DST: variants seen among roughly 807,000 people sequenced by gnomAD.
DST encodes the protein bullous pemphigoid antigen.
Under a neutral mutation model 875.2 loss-of-function variants are expected in DST, and 253 were observed. That is an observed-to-expected ratio of 0.29 (90% CI 0.26 to 0.32). DST has a LOEUF of 0.32. Ranked by LOEUF, DST falls within the 10% of genes least tolerant of loss-of-function variation. The pLI is 1.00. For missense variants in DST, 8,287 were observed against 9,111.6 expected (o/e 0.91, Z 3.68); for synonymous variants, 3,124 against 3,197.1 (o/e 0.98, Z 0.77).
intron 3 of DST, among the ~76,000 whole-genome samples, chr6:56,867,123 G>C (rs1774536752): frequency 6.6e-6 from 1 of 152,280 alleles, no homozygotes; most frequent in East Asian, 1.9e-4. Context: ...AGAGAACCGA[G>C]GCTAGACCTG....
rs370405540 is a variant in DST, at chr6:56,603,824, T to C, written c.10791+13A>G. On this transcript the variant is annotated intron_variant, in intron 40 of 103. Coordinates refer to ENST00000680361, the MANE Select transcript of DST (RefSeq NM_001374736.1). ...TGCAGCTTTTTCTGTATAAAATGTATAGGTCAACTTACTTGTTCGGTTGAG... is the reference window on the plus strand; with the variant it reads ...TGCAGCTTTTTCTGTATAAAATGTACAGGTCAACTTACTTGTTCGGTTGAG... 10 of 1,602,448 alleles carry C rather than the reference T, an allele frequency of 6.2e-6. No homozygotes were observed. Among genetic ancestry groups the C allele is most frequent in the South Asian group, 2.2e-5 (2 of 89,606 alleles).
At chr6:56,633,189 T>C in intron 27 of DST, 152 bp from the exon 28 acceptor site, 2 of 698,280 alleles carry the variant, frequency 2.9e-6, no homozygotes, top group South Asian at 1.7e-5. Flanking sequence ...TTAACAATTT[T>C]AGGTGGTTTT....
At chr6:56,801,247 A>G (rs13218913) in intron 4 of DST, among the ~76,000 whole-genome samples, 25,251 of 151,966 alleles carry the variant, frequency 0.17, 2,338 homozygotes, top group Non-Finnish European at 0.19. Context: ...AATGCATTTA[A>G]TTGTCGTATC....
intron 8 of DST, 29 bp from the exon 9 acceptor site, chr6:56,699,774 C>A (rs761219630): frequency 9.2e-7 from 1 of 1,085,138 alleles, no homozygotes; most frequent in South Asian, 1.7e-5. Context: ...AGAGATAAAA[C>A]CAACTGTTTA....
intron 3 of DST, among the ~76,000 whole-genome samples, chr6:56,897,175 A>G (rs1456286723): frequency 2.6e-5 from 4 of 151,942 alleles, no homozygotes; most frequent in Non-Finnish European, 5.9e-5. Context: ...TCATTCTCCT[A>G]CATGTGGCTA....
intron 4 of DST, among the ~76,000 whole-genome samples, chr6:56,822,156 G>A (rs1273790699): frequency 6.6e-6 from 1 of 152,042 alleles, no homozygotes; most frequent in African/African-American, 2.4e-5. Flanking sequence ...GACAGAGACG[G>A]GATTTATTCT....
At chr6:56,669,287 C>CAA (rs1055863442) in intron 10 of DST, among the ~76,000 whole-genome samples, 3,431 of 69,326 alleles carry the variant, frequency 0.049, 65 homozygotes, top group Non-Finnish European at 0.078. Context: ...TTTGTAAAAC[C>CAA]AAAAAAAAAA....
Position 56,485,136 on chromosome 6 carries a change from C to T in DST, c.21207+176G>A, listed in dbSNP as rs2095519318. On this transcript the variant is annotated intron_variant, in intron 88 of 103. Transcript: ENST00000680361. ...GACACTAAATAATACTTCCCCATCA[C>T]TTTTAAAGTTTGCTTCCAGGTTCTG... 3 of 641,096 alleles carry T rather than the reference C, an allele frequency of 4.7e-6. No homozygotes were observed. The South Asian group carries it at 7.1e-5, about 15-fold the overall frequency. The allele number at this position is 641,096 out of a possible 1,614,324, so 39.7% of individuals were successfully genotyped here. A position where few individuals can be genotyped will look rare whatever the true frequency, so the allele number is the denominator to read the frequency against.
At chr6:56,629,038 A>G (rs2098756554) in intron 32 of DST, among the ~76,000 whole-genome samples, 4 of 152,214 alleles carry the variant, frequency 2.6e-5, no homozygotes, top group Admixed American at 2.6e-4. Context: ...GCTAGAATAC[A>G]TGAATAGTAA....
At chr6:56,509,086 T>C (rs1237100766) in intron 74 of DST, among the ~76,000 whole-genome samples, 1 of 152,204 alleles carries the variant, frequency 6.6e-6, no homozygotes, top group Non-Finnish European at 1.5e-5. Flanking sequence ...TACACTTTTA[T>C]GCTCCCCAAA....
chr6:56,799,121 A>C (rs2099743822), intron 4 of DST, among the ~76,000 whole-genome samples: 1 of 152,262 alleles, frequency 6.6e-6, no homozygotes. Flanking sequence ...CATAGGACTT[A>C]GTTGATAAAG....
chr6:56,692,670 TA>T, intron 9 of DST: 3 of 1,289,846 alleles, frequency 2.3e-6, no homozygotes, highest in Non-Finnish European at 3.0e-6. Context: ...TGACATCATC[TA>T]AATGTTTCTT....
intron 2 of DST, among the ~76,000 whole-genome samples, chr6:56,913,568 G>A (rs1005966819): frequency 1.3e-5 from 2 of 152,106 alleles, no homozygotes; most frequent in African/African-American, 4.8e-5. Flanking sequence ...CATATGACCT[G>A]CAAAGTCAAA....
At chr6:56,571,405 C>A (rs930701969) in intron 53 of DST, among the ~76,000 whole-genome samples, 6 of 152,154 alleles carry the variant, frequency 3.9e-5, no homozygotes, top group Admixed American at 2.6e-4. Flanking sequence ...GAAGTAAAGG[C>A]AGCACTCAAA....
intron 3 of DST, among the ~76,000 whole-genome samples, chr6:56,897,958 TG>T (rs2127683329): frequency 6.6e-6 from 1 of 152,286 alleles, no homozygotes; most frequent in East Asian, 1.9e-4. Context: ...TGCCCTCTGC[TG>T]CCCCTTAGAC....
chr6:56,606,215 C>T lies in DST; in HGVS notation c.8413G>A (p.Asp2805Asn), dbSNP rs771841650. 1.3e-6 allele frequency: 2 copies of T among 1,571,360 alleles called. No homozygotes were observed. The highest frequency in any genetic ancestry group is 3.8e-5 in the Admixed American group (2 of 52,528). Residue 2805 changes from aspartate (D) to asparagine (N), a missense_variant, in exon 40 of 104, where the codon GAT (aspartate) becomes AAT (asparagine). Physicochemically the swap from Asp to Asn is conservative, Grantham distance 23. This residue lies in a region of DST where 3,138 missense variants were observed against 3,116.6 expected (regional missense o/e 1.01). Coordinates refer to ENST00000680361, the MANE Select transcript of DST (RefSeq NM_001374736.1). ...TCAATGCCATCATCATCATCGTCAT[C>T]CTGATCATTACTGTCATATATATAA... ...GDYIYDSNDQ[D>N]DDDDDGIDEE...
intron 49 of DST, among the ~76,000 whole-genome samples, chr6:56,585,092 G>C (rs1374245028): frequency 1.3e-5 from 2 of 152,166 alleles, no homozygotes; most frequent in Non-Finnish European, 2.9e-5. Context: ...TTGGGATCAG[G>C]ATGATGCTGG....
chr6:56,891,403 A>T (rs909770987), intron 3 of DST, among the ~76,000 whole-genome samples: 3 of 152,084 alleles, frequency 2.0e-5, no homozygotes, highest in South Asian at 2.1e-4. Flanking sequence ...ACAAAAAAAA[A>T]GTTAAAATTA....
At chr6:56,506,836 C>T (rs200605728) in intron 75 of DST, 47 bp from the exon 76 acceptor site, 1 of 1,565,918 alleles carries the variant, frequency 6.4e-7, no homozygotes, top group Non-Finnish European at 8.6e-7. Context: ...AAAACCACAT[C>T]AAAACTTTAA....
Sources: gnomAD v4.1 joint callset for allele counts (sites outside exome capture counted in the v4.1 genomes callset) on GRCh38, gnomAD v4.1.1 for gene constraint, gnomAD v4.1.1 regional missense constraint, MANE v1.5 for transcripts, NCBI Gene and HGNC (gene_info 2026-07-23, HGNC 2026-07-21) for gene names.